RAD51B: variants seen among roughly 807,000 people sequenced by gnomAD.
RAD51B encodes DNA repair protein RAD51 homolog 2.
RAD51B carries 38 observed loss-of-function variants against 42.2 expected under a neutral mutation model. The ratio of observed to expected loss-of-function variants is 0.90; its 90% confidence interval spans 0.70 to 1.18. The LOEUF is 1.18. Ranked by LOEUF, RAD51B falls within the 50% of genes most tolerant of loss-of-function variation. The probability of loss-of-function intolerance (pLI) is 0.00; values close to 1 mark genes in which losing one functional copy is unlikely to be tolerated. For missense variants in RAD51B, 373 were observed against 400.7 expected (o/e 0.93, Z 0.59); for synonymous variants, 154 against 145.2 (o/e 1.06, Z -0.43).
At chr14:68,598,721 G>C (rs911054280), downstream of RAD51B, among the ~76,000 whole-genome samples, 2 of 152,210 alleles carry the variant, frequency 1.3e-5, no homozygotes, top group South Asian at 2.1e-4. Context: ...CTCGTGGGCT[G>C]TGCCTCCAGA....
Position 68,226,476 on chromosome 14 carries a change from T to C in RAD51B, c.757-65408T>C, listed in dbSNP as rs145621865. Reference sequence around the variant, plus strand: ...GTGAGAGGGACCCGGTGGGAGGTAATTGAATCATGGTGGTGGGTCTTTCCT... The same window carrying C: ...GTGAGAGGGACCCGGTGGGAGGTAACTGAATCATGGTGGTGGGTCTTTCCT... On this transcript the variant is annotated intron_variant, in intron 7 of 10. Coordinates refer to ENST00000471583, the MANE Select transcript of RAD51B (RefSeq NM_133510.4). Among the ~76,000 whole-genome samples the C allele has an allele frequency of 6.2e-3, 946 of 152,146 alleles. 13 individuals are homozygous for C. The highest frequency in any genetic ancestry group is 0.022 in the African/African-American group (910 of 41,498).
At chr14:68,421,260 G>A (rs1205687525) in intron 9 of RAD51B, among the ~76,000 whole-genome samples, 1 of 152,086 alleles carries the variant, frequency 6.6e-6, no homozygotes, top group Non-Finnish European at 1.5e-5. Context: ...AGCAGGTCCA[G>A]CTTGGAGCAT....
At chr14:68,648,133 GTATATATATATATACACACACGTA>G (rs1566963627) in intron 10 of RAD51B, among the ~76,000 whole-genome samples, 25 of 90,550 alleles carry the variant, frequency 2.8e-4, no homozygotes, top group African/African-American at 9.0e-4. Context: ...ATACACACAC[GTATATATATATATACACACACGTA>G]TATATATATA....
intron 7 of RAD51B, among the ~76,000 whole-genome samples, chr14:68,081,321 C>G (rs926991536): frequency 6.6e-6 from 1 of 152,152 alleles, no homozygotes; most frequent in African/African-American, 2.4e-5. Context: ...GCCTCTTGAG[C>G]CTCCTCCTCG....
chr14:67,897,680 G>A (rs778270414), intron 7 of RAD51B, among the ~76,000 whole-genome samples: 4 of 148,788 alleles, frequency 2.7e-5, no homozygotes, highest in East Asian at 3.9e-4. Context: ...ATGGAGTTTC[G>A]CTCTTGCTAC....
intron 10 of RAD51B, among the ~76,000 whole-genome samples, chr14:68,551,277 A>G (rs560373859): frequency 2.0e-5 from 3 of 151,998 alleles, no homozygotes; most frequent in African/African-American, 7.2e-5. Context: ...TTAAATATCC[A>G]TGCTCTGGCC....
chr14:68,491,437 A>G (rs1302358827), intron 10 of RAD51B, among the ~76,000 whole-genome samples: 2 of 152,258 alleles, frequency 1.3e-5, no homozygotes, highest in Non-Finnish European at 2.9e-5. Flanking sequence ...TTTAAAGCCT[A>G]AAAGAAAACT....
intron 7 of RAD51B, among the ~76,000 whole-genome samples, chr14:68,156,232 A>G (rs2078501885): frequency 6.6e-6 from 1 of 152,184 alleles, no homozygotes; most frequent in African/African-American, 2.4e-5. Flanking sequence ...GCATGCGCCA[A>G]GTGTTTGAGG....
chr14:67,934,969 A>G (rs1466805330), intron 7 of RAD51B, among the ~76,000 whole-genome samples: 2 of 152,356 alleles, frequency 1.3e-5, no homozygotes, highest in East Asian at 1.9e-4. Flanking sequence ...CCTCTGCTAT[A>G]TAGCACACTA....
In RAD51B at chr14:68,416,952, T is replaced by A. The variant is rs193130736; in HGVS notation, c.957+5425T>A. Among the ~76,000 whole-genome samples, 394 of 152,320 alleles carry A rather than the reference T, an allele frequency of 2.6e-3. 6 individuals carry two copies. Among genetic ancestry groups the A allele is most frequent in the Admixed American group, 0.022 (329 of 15,298 alleles). On this transcript the variant is annotated intron_variant, in intron 9 of 10. Transcript: ENST00000471583. The stretch of plus-strand genomic sequence containing the variant: ...TCTCCTCTCTGTGGTTGGACAGGCT[T>A]AATGAAAGACTGAATAACCAAAGAA...
intron 8 of RAD51B, among the ~76,000 whole-genome samples, chr14:68,355,700 A>G (rs2082885158): frequency 6.6e-6 from 1 of 152,238 alleles, no homozygotes. Flanking sequence ...AAAATGGAAA[A>G]GTCAATTTAA....
chr14:67,964,950 A>G (rs1351282713), intron 7 of RAD51B, among the ~76,000 whole-genome samples: 1 of 152,192 alleles, frequency 6.6e-6, no homozygotes, highest in African/African-American at 2.4e-5. Context: ...CTTTGAAGAG[A>G]TATCTTAAAT....
intron 7 of RAD51B, among the ~76,000 whole-genome samples, chr14:67,989,635 C>CAAAAAAAAAAAAAAAAAAAAA (rs764608072): frequency 1.5e-5 from 1 of 66,898 alleles, no homozygotes; most frequent in Non-Finnish European, 2.8e-5. Flanking sequence ...AACTCTGTCT[C>CAAAAAAAAAAAAAAAAAAAAA]AAAAAAAAAA....
At chr14:68,667,412 T>TAAAGAC (rs2140151263) in intron 11 of RAD51B, among the ~76,000 whole-genome samples, 4 of 133,604 alleles carry the variant, frequency 3.0e-5, no homozygotes, top group East Asian at 2.1e-4. Flanking sequence ...CTGCTTTGCT[T>TAAAGAC]AAAGTCAGCT....
At chr14:68,358,772 G>A (rs2082959291) in intron 8 of RAD51B, among the ~76,000 whole-genome samples, 2 of 152,280 alleles carry the variant, frequency 1.3e-5, no homozygotes, top group Non-Finnish European at 2.9e-5. Flanking sequence ...CAGTCAGATC[G>A]TGTGATATAA....
In RAD51B at chr14:68,494,978, C is replaced by T. The variant is rs115816578; in HGVS notation, c.1036+26728C>T. ...CTCGCTTGTAGATTCCTGAGTACTG[C>T]TCATCTGCCCTACAAGGCATAGTGG... On this transcript the variant is annotated intron_variant, in intron 10 of 10. Coordinates refer to the RAD51B transcript ENST00000487270. Among the ~76,000 whole-genome samples, 631 of 152,310 alleles carry T rather than the reference C, an allele frequency of 4.1e-3. 2 individuals are homozygous for T. Among genetic ancestry groups the T allele is most frequent in the African/African-American group, 0.014 (593 of 41,556 alleles).
intron 7 of RAD51B, among the ~76,000 whole-genome samples, chr14:68,195,548 C>T (rs1439421729): frequency 1.3e-5 from 2 of 152,124 alleles, no homozygotes; most frequent in Non-Finnish European, 1.5e-5. Context: ...ATAAGTAAAT[C>T]CAAAATCAAA....
intron 7 of RAD51B, among the ~76,000 whole-genome samples, chr14:68,272,665 A>ATTTTTT (rs71412311): frequency 1.6e-4 from 2 of 12,476 alleles, no homozygotes; most frequent in Non-Finnish European, 2.9e-4. Flanking sequence ...ATATATATAT[A>ATTTTTT]TTTTTTTTTT....
At chr14:68,641,463 A>AT (rs964963981) in intron 10 of RAD51B, among the ~76,000 whole-genome samples, 54 of 151,128 alleles carry the variant, frequency 3.6e-4, no homozygotes, top group African/African-American at 1.3e-3. Flanking sequence ...GTCTTATTGC[A>AT]TTATTTAGGA....
Sources: allele counts gnomAD v4.1 joint callset (sites outside exome capture counted in the v4.1 genomes callset), GRCh38; gene constraint gnomAD v4.1.1; transcripts MANE v1.5; gene names NCBI Gene and HGNC (gene_info 2026-07-23, HGNC 2026-07-21).